BRME1: variants seen among roughly 807,000 people sequenced by gnomAD.
The protein encoded by BRME1 is BRCA2 and MEILB2-associating protein 1.
A neutral mutation model predicts 52.6 loss-of-function variants in BRME1; 31 were observed. That is an observed-to-expected ratio of 0.59 (90% CI 0.44 to 0.80). The LOEUF is 0.80. BRME1 is among the 30% of genes least tolerant of loss of function. The pLI, the probability that BRME1 is intolerant of heterozygous loss-of-function variation, is 0.00. For synonymous variants in BRME1, 359 were observed against 353.6 expected, an observed-to-expected ratio of 1.02 and a Z score of -0.17; for missense variants, 804 against 860.3, an observed-to-expected ratio of 0.93 and a Z score of 0.82.
rs569945755 is a variant in BRME1 at position 13,892,459 on chromosome 19, C to T, written c.393+327G>A. Reference sequence around the variant, plus strand: ...AAATTAGCTGGGCGCGGTGGGCAGGCGTCTGTTATCCCAGCTACTTGGGAG... The same window carrying T: ...AAATTAGCTGGGCGCGGTGGGCAGGTGTCTGTTATCCCAGCTACTTGGGAG... On this transcript the variant is annotated intron_variant, in intron 5 of 8. Transcript: ENST00000586783. Among the ~76,000 whole-genome samples the T allele has an allele frequency of 7.5e-4, 114 of 151,868 alleles. 2 individuals carry two copies. The South Asian group carries it at 0.015, about 20-fold the overall frequency.
rs565673203 is a variant in BRME1, at chr19:13,904,571, A to T, written c.31+291T>A. 4.6e-5 allele frequency among the ~76,000 whole-genome samples: 7 copies of T among 152,134 alleles called. 1 individual carries two copies. The South Asian group carries it at 1.2e-3, about 27-fold the overall frequency. On this transcript the variant is annotated intron_variant, in intron 2 of 8. Transcript: ENST00000586783. ...ATTCTCCTGCCTCAGTCTCCCGAGT[A>T]GGTGGGACTACAGGCATGTGCCACA...
chr19:13,882,834 G>T lies in BRME1; in HGVS notation c.1975C>A (p.Pro659Thr). ...PYPSKGPGNIPRGDPPWREL is the reference protein window; with the variant it reads ...PYPSKGPGNITRGDPPWREL ...TCCCTCCAGGGTGGGTCCCCTCGAG[G>T]GATATTCCCAGGCCCCTTGGAAGGG... The change falls in exon 9 of 9, where the codon CCT (proline) becomes ACT (threonine). Residue 659 changes from proline (P) to threonine (T), a missense_variant. By Grantham distance (38) the Pro-to-Thr change is conservative (BLOSUM62 -1). Transcript: ENST00000586783. The T allele has an allele frequency of 6.2e-7, 1 of 1,613,982 alleles. No homozygotes were observed. Among genetic ancestry groups the T allele is most frequent in the Non-Finnish European group, 8.5e-7 (1 of 1,179,972 alleles).
Position 13,902,052 on chromosome 19 carries a change from A to G in BRME1, c.31+2810T>C, listed in dbSNP as rs1184045269. The stretch of plus-strand genomic sequence containing the variant: ...CAAGACTCTGTCTCGAAAAAAAGAA[A>G]AAAAAAAAAGCTGGGTATGGTGGCT... On this transcript the variant is annotated intron_variant, in intron 2 of 8. Transcript: ENST00000586783. 2.0e-5 allele frequency among the ~76,000 whole-genome samples: 3 copies of G among 151,576 alleles called. No homozygotes were observed. The East Asian group carries it at 5.8e-4, about 29-fold the overall frequency.
Position 13,890,414 on chromosome 19 carries a change from C to T in BRME1, c.442G>A (p.Val148Met). 6.6e-7 allele frequency: 1 copy of T among 1,518,318 alleles called. No homozygotes were observed. The highest frequency in any genetic ancestry group is 8.8e-7 in the Non-Finnish European group (1 of 1,140,384). 94.1% of individuals were successfully genotyped at this position (1,518,318 alleles called of 1,614,324 possible). The change falls in exon 6 of 9, where the codon GTG becomes ATG. Residue 148 changes from valine (V) to methionine (M), a missense_variant. Transcript: ENST00000586783. ...SAQSPGCQLLVETLGVPLQEA... is the reference protein window; with the variant it reads ...SAQSPGCQLLMETLGVPLQEA... ...TGGAGGGGGACCCCCAGGGTCTCCACTAGCAGCTGGCATCCTGGACTCTGG... is the reference window on the plus strand; with the variant it reads ...TGGAGGGGGACCCCCAGGGTCTCCATTAGCAGCTGGCATCCTGGACTCTGG...
Position 13,886,796 on chromosome 19 carries a change from C to CAAA in BRME1, c.1669-744_1669-742dup, listed in dbSNP as rs61412091. On this transcript the variant is annotated intron_variant, in intron 6 of 8. Transcript: ENST00000586783. ...GCAACACGGCGAGACCCTGTCTGTACAAAAAAAAAAAAAAAAAATTAGCTG... is the reference window on the plus strand; with the variant it reads ...GCAACACGGCGAGACCCTGTCTGTACAAAAAAAAAAAAAAAAAAAAATTAGCTG... 9.6e-3 allele frequency among the ~76,000 whole-genome samples: 818 copies of CAAA among 85,144 alleles called. 15 individuals are homozygous for CAAA. The highest frequency in any genetic ancestry group is 0.021 in the Middle Eastern group (3 of 142). 55.9% of individuals were successfully genotyped at this position (85,144 alleles called of 152,430 possible). A position where few individuals can be genotyped will look rare whatever the true frequency, so the allele number is the denominator to read the frequency against.
intron 3 of BRME1, 74 bp downstream of exon 3, chr19:13,895,298 T>C (rs999073821): frequency 2.1e-5 from 31 of 1,476,336 alleles, no homozygotes; most frequent in Admixed American, 4.0e-5. Flanking sequence ...TCCCAAAGCA[T>C]TGCTGTCTGC....
rs1433039494 is a variant in BRME1, at chr19:13,883,460, C to T, written c.1764-60G>A. ...ACCTCACTGGACTACCAGAGCTCTCCAGTGGGAGGGGCTTCCGCAGGGCCT... is the reference window on the plus strand; with the variant it reads ...ACCTCACTGGACTACCAGAGCTCTCTAGTGGGAGGGGCTTCCGCAGGGCCT... On this transcript the variant is annotated intron_variant, in intron 7 of 8. Transcript: ENST00000586783. This position sits in a 1 kb window ranked among gnomAD's most constrained non-coding sequence, Gnocchi z 4.2. 7.7e-7 allele frequency: 1 copy of T among 1,301,940 alleles called. No individual in the cohort carries two copies. Among genetic ancestry groups the T allele is most frequent in the Non-Finnish European group, 1.1e-6 (1 of 936,364 alleles). The allele number at this position is 1,301,940 out of a possible 1,614,324, so 80.6% of individuals were successfully genotyped here. A position where few individuals can be genotyped will look rare whatever the true frequency, so the allele number is the denominator to read the frequency against.
At chr19:13,886,668 A>G (rs1969045926) in intron 6 of BRME1, among the ~76,000 whole-genome samples, 1 of 152,102 alleles carries the variant, frequency 6.6e-6, no homozygotes, top group Admixed American at 6.5e-5. Context: ...GATGTCCCTC[A>G]GAAAAGAGGC....
At chr19:13,903,166 C>A (rs996804982) in intron 2 of BRME1, among the ~76,000 whole-genome samples, 1 of 152,084 alleles carries the variant, frequency 6.6e-6, no homozygotes, top group Non-Finnish European at 1.5e-5. Flanking sequence ...CAGCAGTGTA[C>A]ATTTGTGTAC....
intron 2 of BRME1, among the ~76,000 whole-genome samples, chr19:13,903,787 T>C (rs944498945): frequency 3.3e-5 from 5 of 152,110 alleles, no homozygotes; most frequent in African/African-American, 1.2e-4. Context: ...GTGGCTTTTA[T>C]TATCCCCAAT....
chr19:13,903,527 G>T (rs1489940747), intron 2 of BRME1, among the ~76,000 whole-genome samples: 1 of 152,000 alleles, frequency 6.6e-6, no homozygotes, highest in Non-Finnish European at 1.5e-5. Context: ...ACAAAAATTA[G>T]GCGGGCGTGG....
Position 13,904,867 on chromosome 19 carries a change from G to A in BRME1, c.26C>T (p.Thr9Ile), listed in dbSNP as rs1970563450. The A allele has an allele frequency of 6.2e-7, 1 of 1,613,798 alleles. No individual in the cohort carries two copies. The highest frequency in any genetic ancestry group is 8.5e-7 in the Non-Finnish European group (1 of 1,179,866). Reference sequence around the variant, plus strand: ...GTCCATTTGAATGAACGTACCTGAGGTCCGCAGCTTCTTCCTCTTAGTCAT... The same window carrying A: ...GTCCATTTGAATGAACGTACCTGAGATCCGCAGCTTCTTCCTCTTAGTCAT... MTKRKKLR[T>I]SGEGLCPPKP... Residue 9 changes from threonine (T) to isoleucine (I), a missense_variant, in exon 2 of 9, where the codon ACC (threonine) becomes ATC (isoleucine). Around this residue, in one of 3 missense-constraint regions of BRME1, gnomAD observed 234 missense variants for 258.1 expected, o/e 0.91. Transcript: ENST00000586783.
intron 2 of BRME1, among the ~76,000 whole-genome samples, chr19:13,898,923 CAAAAAAAAA>C (rs1159325305): frequency 3.0e-5 from 2 of 67,722 alleles, no homozygotes; most frequent in African/African-American, 4.8e-5. Flanking sequence ...AACTCCATCT[CAAAAAAAAA>C]AAAAAAAAAA....
chr19:13,885,549 C>T (rs968076509), intron 7 of BRME1: 6 of 167,554 alleles, frequency 3.6e-5, no homozygotes, highest in Non-Finnish European at 1.3e-5. Context: ...TAGACTCACT[C>T]GGGTGCCCGC....
chr19:13,895,584 T>A, intron 2 of BRME1, 38 bp from the exon 3 acceptor site: 1 of 1,570,812 alleles, frequency 6.4e-7, no homozygotes. Flanking sequence ...GGGTGGGGGA[T>A]ACAGCCACTG....
intron 2 of BRME1, among the ~76,000 whole-genome samples, chr19:13,898,567 G>C (rs1970071340): frequency 6.6e-6 from 1 of 151,948 alleles, no homozygotes; most frequent in Non-Finnish European, 1.5e-5. Context: ...CCGTGATTGT[G>C]CCACTGCACT....
Position 13,892,775 on chromosome 19 carries a change from T to G in BRME1, c.393+11A>C, listed in dbSNP as rs753815776. On this transcript the variant is annotated intron_variant, in intron 5 of 8. Transcript: ENST00000586783. ...GCGCTGGGCTCAGCCTGGCTGATTT[T>G]AGAGCCTTACCAGGCTAAAGGCCCC... 7 of 1,609,280 alleles carry G rather than the reference T, an allele frequency of 4.3e-6. No homozygotes were observed. In the East Asian group the frequency reaches 1.6e-4, roughly 36 times the overall value.
rs1969324990 is a variant in BRME1 at position 13,889,741 on chromosome 19, C to G, written c.1115G>C (p.Arg372Thr). 1 of 1,609,230 alleles carries G rather than the reference C, an allele frequency of 6.2e-7. No homozygotes were observed. Among genetic ancestry groups the G allele is most frequent in the African/African-American group, 1.3e-5 (1 of 75,030 alleles). ...GTGGCCTCCATCAGCGGCCTTCCTC[C>G]TGGGAGAGGCAGGTGATATGGCACT... ...QASAISPASP[R>T]RKAADGGHRR... is the part of the protein sequence containing the mutation. The change falls in exon 6 of 9, where the codon AGG (arginine) becomes ACG (threonine). Residue 372 changes from arginine to threonine, a missense_variant. This residue lies in a region of BRME1 where 552 missense variants were observed against 561.1 expected (regional missense o/e 0.98). Coordinates refer to ENST00000586783, the MANE Select transcript of BRME1 (RefSeq NM_001345843.2).
chr19:13,897,036 G>A (rs576231330), intron 2 of BRME1, among the ~76,000 whole-genome samples: 154 of 139,326 alleles, frequency 1.1e-3, no homozygotes, highest in African/African-American at 4.3e-3. Flanking sequence ...CCCTTACATC[G>A]AAACTTTTTT....
Sources: gnomAD v4.1 joint callset for allele counts (sites outside exome capture counted in the v4.1 genomes callset) on GRCh38, gnomAD v4.1.1 for gene constraint, gnomAD v4.1.1 regional missense constraint, Gnocchi (gnomAD v3.1) non-coding constraint, MANE v1.5 for transcripts, NCBI Gene and HGNC (gene_info 2026-07-23, HGNC 2026-07-21) for gene names.